Variants in CSNK1G2 observed in about 807,000 individuals in gnomAD.
CSNK1G2 encodes casein kinase 1 gamma 2.
A neutral mutation model predicts 48.0 loss-of-function variants in CSNK1G2; 11 were observed. The observed-to-expected ratio is 0.23, with a 90% CI of 0.14 to 0.38. The LOEUF (loss-of-function observed/expected upper bound fraction) is 0.38, where lower values mean the gene tolerates loss of function less well. Among genes scored for constraint, CSNK1G2 ranks in the 10% least tolerant of loss-of-function variants. The pLI is 1.00. For missense variants in CSNK1G2, 446 were observed against 595.5 expected, an observed-to-expected ratio of 0.75 and a Z score of 2.61; for synonymous variants, 337 against 254.1, an observed-to-expected ratio of 1.33 and a Z score of -3.10.
At chr19:1,947,704 TGGGCTGGGACA>T (rs1377599029) in intron 1 of CSNK1G2, among the ~76,000 whole-genome samples, 1 of 152,118 alleles carries the variant, frequency 6.6e-6, no homozygotes, top group African/African-American at 2.4e-5. Context: ...AGCCTGCAGG[TGGGCTGGGACA>T]GGGCTTGCGA....
In CSNK1G2 at chr19:1,952,588, T is replaced by C. The variant is rs769474725; in HGVS notation, c.-266+11170T>C. ...ATCTTCCCACCTCGGCCTCCCAAAG[T>C]GTACGTATCTTTTTAGTAACGATAT... is the stretch of plus-strand genomic sequence containing the variant. On this transcript the variant is annotated intron_variant, in intron 1 of 11. Coordinates refer to ENST00000255641, the MANE Select transcript of CSNK1G2 (RefSeq NM_001319.7). 6 of 156,360 alleles carry C rather than the reference T, an allele frequency of 3.8e-5. No homozygotes were observed. The South Asian group carries it at 5.4e-4, about 14-fold the overall frequency. 9.7% of individuals were successfully genotyped at this position (156,360 alleles called of 1,614,324 possible). A position where few individuals can be genotyped will look rare whatever the true frequency, so the allele number is the denominator to read the frequency against.
intron 1 of CSNK1G2, among the ~76,000 whole-genome samples, chr19:1,942,987 G>GC (rs1019453776): frequency 3.3e-5 from 5 of 152,176 alleles, no homozygotes; most frequent in Non-Finnish European, 7.3e-5. Flanking sequence ...GTTTTGCTCA[G>GC]CCCCCCACAG....
Position 1,979,500 on chromosome 19 carries a change from A to G in CSNK1G2, c.859A>G (p.Met287Val), listed in dbSNP as rs1409381475. 1.4e-6 allele frequency: 2 copies of G among 1,400,044 alleles called. No individual in the cohort carries two copies. The highest frequency in any genetic ancestry group is 3.1e-5 in the African/African-American group (2 of 64,550). 86.7% of individuals were successfully genotyped at this position (1,400,044 alleles called of 1,614,324 possible). A position where few individuals can be genotyped will look rare whatever the true frequency, so the allele number is the denominator to read the frequency against. The change falls in exon 9 of 12, where the codon ATG becomes GTG. Residue 287 changes from methionine to valine, a missense_variant. By Grantham distance (21) the Met-to-Val change is conservative (BLOSUM62 1). Transcript: ENST00000255641. Reference sequence around the variant, plus strand: ...CGCTGGCGCTCTCTCTGCAGAGGAGATGGCCACGTACCTGCGCTATGTGCG... The same window carrying G: ...CGCTGGCGCTCTCTCTGCAGAGGAGGTGGCCACGTACCTGCGCTATGTGCG... ...EVLCENFPEE[M>V]ATYLRYVRRL...
At chr19:1,965,914 A>G (rs911455048) in intron 1 of CSNK1G2, among the ~76,000 whole-genome samples, 10 of 152,098 alleles carry the variant, frequency 6.6e-5, no homozygotes, top group Admixed American at 6.6e-4. Flanking sequence ...CTCTCACCTC[A>G]GTCTCCTAAG....
chr19:1,951,055 G>A (rs1315334436), intron 1 of CSNK1G2, among the ~76,000 whole-genome samples: 1 of 145,080 alleles, frequency 6.9e-6, no homozygotes, highest in East Asian at 2.1e-4. Context: ...GGAGGTGAGA[G>A]GAGACGCCGT....
intron 2 of CSNK1G2, chr19:1,974,970 G>A: frequency 1.4e-6 from 1 of 731,892 alleles, no homozygotes; most frequent in Non-Finnish European, 1.7e-6. Flanking sequence ...GGCTTTCAGA[G>A]CCCAGAGCGC....
chr19:1,961,031 G>C (rs2015181563), intron 1 of CSNK1G2, among the ~76,000 whole-genome samples: 1 of 152,244 alleles, frequency 6.6e-6, no homozygotes, highest in Non-Finnish European at 1.5e-5. Flanking sequence ...GGGCAGAGGA[G>C]AGGCTTCGGG....
rs2015830192 is a variant in CSNK1G2 at position 1,978,291 on chromosome 19, C to T, written c.188-14C>T. 6.2e-7 allele frequency: 1 copy of T among 1,613,368 alleles called. No homozygotes were observed. Among genetic ancestry groups the T allele is most frequent in the Non-Finnish European group, 8.5e-7 (1 of 1,179,836 alleles). On this transcript the variant is annotated splice_polypyrimidine_tract_variant and intron_variant, in intron 2 of 11. Transcript: ENST00000255641. This position sits in a 1 kb window ranked among gnomAD's most constrained non-coding sequence, Gnocchi z 7.3. ...GCCCTGCGCTGGCGGTGCTGATGGT[C>T]TCTGTCCCCGCAGGAAAGAATCTCT...
At chr19:1,971,657 C>T (rs1479174756) in intron 2 of CSNK1G2, among the ~76,000 whole-genome samples, 4 of 152,000 alleles carry the variant, frequency 2.6e-5, no homozygotes, top group Non-Finnish European at 4.4e-5. Context: ...CGGGGTATGG[C>T]TTTTGGGAAC....
At chr19:1,963,068 T>A (rs867907231) in intron 1 of CSNK1G2, among the ~76,000 whole-genome samples, 2 of 152,010 alleles carry the variant, frequency 1.3e-5, no homozygotes, top group Non-Finnish European at 2.9e-5. Context: ...CACTCCAGGC[T>A]CAATGAGACA....
At chr19:1,966,583 G>A (rs902953545) in intron 1 of CSNK1G2, among the ~76,000 whole-genome samples, 12 of 152,118 alleles carry the variant, frequency 7.9e-5, no homozygotes, top group Non-Finnish European at 2.9e-5. Context: ...ATGAAGCCGC[G>A]GCCGGGTTGA....
intron 1 of CSNK1G2, among the ~76,000 whole-genome samples, chr19:1,964,085 A>G (rs543189743): frequency 6.6e-6 from 1 of 152,104 alleles, no homozygotes; most frequent in Non-Finnish European, 1.5e-5. Context: ...TGGCCTCCCA[A>G]GGTGCTGGGA....
rs1269185957 is a variant in CSNK1G2 at position 1,978,820 on chromosome 19, G to A, written c.448-39G>A. 3.8e-6 allele frequency: 6 copies of A among 1,592,104 alleles called. No homozygotes were observed. The highest frequency in any genetic ancestry group is 2.2e-5 in the South Asian group (2 of 89,584). On this transcript the variant is annotated intron_variant, in intron 5 of 11. Transcript: ENST00000255641. This position sits in a 1 kb window ranked among gnomAD's most constrained non-coding sequence, Gnocchi z 7.3. ...GGCCCTGGAGGGGAGCGCGTGGGACGGGGAGGGGCCCGGCCGACACCGCCG... is the reference window on the plus strand; with the variant it reads ...GGCCCTGGAGGGGAGCGCGTGGGACAGGGAGGGGCCCGGCCGACACCGCCG...
Position 1,980,334 on chromosome 19 carries a change from AGGGGCCGC to A in CSNK1G2, c.*133_*140del. 8.7e-7 allele frequency: 1 copy of A among 1,149,822 alleles called. No individual in the cohort carries two copies. The highest frequency in any genetic ancestry group is 1.3e-6 in the Non-Finnish European group (1 of 784,844). 71.2% of individuals were successfully genotyped at this position (1,149,822 alleles called of 1,614,324 possible). ...GGCTGGAAGCCAGAACGCAGACTGC[AGGGGCCGC>A]GCCTGGCTCAGGCGGCCCCACCCCC... On this transcript the variant is annotated 3_prime_UTR_variant, in exon 12 of 12. Transcript: ENST00000255641.
intron 1 of CSNK1G2, among the ~76,000 whole-genome samples, chr19:1,944,821 G>C (rs1391411548): frequency 1.3e-5 from 2 of 152,216 alleles, no homozygotes; most frequent in African/African-American, 4.8e-5. Context: ...GTGAGGGGTG[G>C]GGCCTGCCTG....
intron 1 of CSNK1G2, among the ~76,000 whole-genome samples, chr19:1,961,623 C>T (rs1400681126): frequency 6.6e-6 from 1 of 152,126 alleles, no homozygotes; most frequent in Non-Finnish European, 1.5e-5. Context: ...AGCGGCACGG[C>T]GCCCAGTCCC....
At chr19:1,952,705 C>T (rs2014813502) in intron 1 of CSNK1G2, 1 of 258,394 alleles carries the variant, frequency 3.9e-6, no homozygotes, top group Non-Finnish European at 7.9e-6. Flanking sequence ...ATGCGCCTAG[C>T]AGGCGTCGCC....
In CSNK1G2 at chr19:1,941,345, G is replaced by A. The variant is rs997469764; in HGVS notation, c.-339G>A. On this transcript the variant is annotated 5_prime_UTR_variant, in exon 1 of 12. Coordinates refer to ENST00000255641, the MANE Select transcript of CSNK1G2 (RefSeq NM_001319.7). ...GAGGGGGCGCGGGGCCCGGAGCGGGGGTCCGCGCTGCGCTGCTGAGGCCGG... is the reference window on the plus strand; with the variant it reads ...GAGGGGGCGCGGGGCCCGGAGCGGGAGTCCGCGCTGCGCTGCTGAGGCCGG... The A allele has an allele frequency of 2.0e-4, 29 of 147,226 alleles. No individual in the cohort carries two copies. The highest frequency in any genetic ancestry group is 3.6e-4 in the Non-Finnish European group (24 of 66,094). The allele number at this position is 147,226 out of a possible 1,614,324, so 9.1% of individuals were successfully genotyped here.
intron 1 of CSNK1G2, among the ~76,000 whole-genome samples, chr19:1,942,186 A>G (rs568918355): frequency 1.1e-4 from 16 of 152,166 alleles, no homozygotes; most frequent in African/African-American, 3.9e-4. Flanking sequence ...CCGGAAACGC[A>G]CGGATCAGGG....
Sources: allele counts gnomAD v4.1 joint callset (sites outside exome capture counted in the v4.1 genomes callset), GRCh38; gene constraint gnomAD v4.1.1; non-coding constraint Gnocchi (gnomAD v3.1); transcripts MANE v1.5; gene names NCBI Gene and HGNC (gene_info 2026-07-23, HGNC 2026-07-21).